Variants in HS3ST4 observed in about 807,000 individuals in gnomAD.
HS3ST4 encodes the protein heparan sulfate-glucosamine 3-sulfotransferase 4, also known as heparan sulfate glucosamine 3-O-sulfotransferase 4.
Under a neutral mutation model 29.2 loss-of-function variants are expected in HS3ST4, and 17 were observed. That is an observed-to-expected ratio of 0.58 (90% CI 0.40 to 0.87). HS3ST4 has a LOEUF of 0.87. Ranked by LOEUF, HS3ST4 falls within the 40% of genes least tolerant of loss-of-function variation. The pLI is 0.00. For synonymous variants in HS3ST4, 314 were observed against 285.7 expected (o/e 1.10, Z -1.00); for missense variants, 627 against 634.5 (o/e 0.99, Z 0.13).
intron 1 of HS3ST4, among the ~76,000 whole-genome samples, chr16:25,742,654 A>G (rs1966662442): frequency 6.6e-6 from 1 of 152,208 alleles, no homozygotes; most frequent in African/African-American, 2.4e-5. Context: ...CAGCCTTTTG[A>G]AAGTGCCATG....
chr16:26,084,814 T>C (rs567036922), intron 1 of HS3ST4, among the ~76,000 whole-genome samples: 2 of 152,238 alleles, frequency 1.3e-5, no homozygotes, highest in African/African-American at 4.8e-5. Context: ...CTTATTTTGT[T>C]GCCCAGGCTG....
At chr16:25,965,718 CTGAGT>C (rs1377992309) in intron 1 of HS3ST4, among the ~76,000 whole-genome samples, 2 of 152,314 alleles carry the variant, frequency 1.3e-5, no homozygotes, top group African/African-American at 2.4e-5. Context: ...CCTATCTGTA[CTGAGT>C]TAAGACATTT....
intron 1 of HS3ST4, among the ~76,000 whole-genome samples, chr16:25,744,923 C>T (rs1966676569): frequency 1.3e-5 from 2 of 152,140 alleles, no homozygotes; most frequent in Admixed American, 1.3e-4. Context: ...CCAATTAAAC[C>T]ACTTTCCTTT....
intron 1 of HS3ST4, among the ~76,000 whole-genome samples, chr16:25,869,327 C>T (rs942065717): frequency 3.3e-5 from 5 of 152,018 alleles, no homozygotes; most frequent in African/African-American, 1.2e-4. Context: ...CAGGTTGTGA[C>T]GACTTTCCCC....
chr16:25,938,604 A>G lies in HS3ST4; in HGVS notation c.735-197008A>G, dbSNP rs551949366. Among the ~76,000 whole-genome samples the G allele has an allele frequency of 5.3e-5, 8 of 151,658 alleles. No individual in the cohort carries two copies. The East Asian group carries it at 5.8e-4, about 11-fold the overall frequency. ...TTTATCTATGGTATTAAAAAAAAAA[A>G]GGAGAAGAAAAGCAAAAGGCCATTT... is the stretch of plus-strand genomic sequence containing the variant. On this transcript the variant is annotated intron_variant, in intron 1 of 1. Transcript: ENST00000331351.
chr16:26,025,310 C>T (rs1190187410), intron 1 of HS3ST4: 1 of 154,428 alleles, frequency 6.5e-6, no homozygotes, highest in East Asian at 1.9e-4. Flanking sequence ...TTGCACCAAT[C>T]TAATAGGTTG....
intron 1 of HS3ST4, among the ~76,000 whole-genome samples, chr16:25,759,821 G>A (rs577898149): frequency 6.6e-6 from 1 of 152,018 alleles, no homozygotes; most frequent in South Asian, 2.1e-4. Context: ...CCAGCTACTC[G>A]GGAGGCTGCA....
intron 1 of HS3ST4, among the ~76,000 whole-genome samples, chr16:25,700,396 G>A (rs1000743090): frequency 5.9e-5 from 9 of 152,172 alleles, no homozygotes; most frequent in Admixed American, 3.9e-4. Flanking sequence ...CTGCAGAACC[G>A]AAGGCATTTG....
intron 1 of HS3ST4, among the ~76,000 whole-genome samples, chr16:25,710,917 A>G (rs2141584809): frequency 6.7e-6 from 1 of 149,348 alleles, no homozygotes. Context: ...CCTGGGCTCA[A>G]GTGATCCTCC....
rs77289664 is a variant in HS3ST4 at position 25,712,547 on chromosome 16, A to G, written c.734+19396A>G. The stretch of plus-strand genomic sequence containing the variant: ...ATAAAAAAATAAAAAGAATGAAACA[A>G]AAGAAGCACCATAAGACAAGAACGT... On this transcript the variant is annotated intron_variant, in intron 1 of 1. Coordinates refer to ENST00000331351, the MANE Select transcript of HS3ST4 (RefSeq NM_006040.3). 4.9e-3 allele frequency among the ~76,000 whole-genome samples: 750 copies of G among 152,240 alleles called. 9 individuals are homozygous for G. Among genetic ancestry groups the G allele is most frequent in the African/African-American group, 0.016 (663 of 41,554 alleles).
At chr16:25,737,954 G>A (rs576892969) in intron 1 of HS3ST4, among the ~76,000 whole-genome samples, 118 of 146,368 alleles carry the variant, frequency 8.1e-4, no homozygotes, top group Non-Finnish European at 1.5e-3. Flanking sequence ...GCCCAGGCTG[G>A]TGTGCAGTGG....
At chr16:25,859,931 G>A (rs1231588743) in intron 1 of HS3ST4, among the ~76,000 whole-genome samples, 4 of 152,184 alleles carry the variant, frequency 2.6e-5, no homozygotes, top group South Asian at 2.1e-4. Flanking sequence ...AGATAAGGGA[G>A]ATTTACCACC....
chr16:25,962,457 G>C (rs962899769), intron 1 of HS3ST4, among the ~76,000 whole-genome samples: 5 of 152,092 alleles, frequency 3.3e-5, no homozygotes, highest in Non-Finnish European at 7.4e-5. Context: ...TTTAAAGTTG[G>C]CATAATGACT....
chr16:25,739,568 CA>C (rs1334396206), intron 1 of HS3ST4, among the ~76,000 whole-genome samples: 1 of 152,192 alleles, frequency 6.6e-6, no homozygotes, highest in Non-Finnish European at 1.5e-5. Flanking sequence ...TGGCTGTCAT[CA>C]TGACTATATG....
At chr16:26,010,191 T>A (rs553817311) in intron 1 of HS3ST4, among the ~76,000 whole-genome samples, 17 of 152,296 alleles carry the variant, frequency 1.1e-4, no homozygotes, top group African/African-American at 3.6e-4. Flanking sequence ...CGGTGACTCA[T>A]GCCTGTAATC....
intron 1 of HS3ST4, among the ~76,000 whole-genome samples, chr16:25,888,891 T>A (rs1967980600): frequency 6.6e-6 from 1 of 152,152 alleles, no homozygotes. Flanking sequence ...AATTAGCACA[T>A]CCATTAAATC....
At chr16:25,864,030 C>CGCCTCTTT (rs1322443357) in intron 1 of HS3ST4, among the ~76,000 whole-genome samples, 3 of 152,180 alleles carry the variant, frequency 2.0e-5, no homozygotes, top group East Asian at 3.9e-4. Context: ...TTCGCCTCTT[C>CGCCTCTTT]GCGTGGGCAT....
At chr16:25,954,045 A>C (rs1224528768) in intron 1 of HS3ST4, among the ~76,000 whole-genome samples, 2 of 152,178 alleles carry the variant, frequency 1.3e-5, no homozygotes, top group Non-Finnish European at 1.5e-5. Context: ...CTGAATGTTT[A>C]GAAATGGTGA....
At chr16:26,008,987 A>G (rs1969284389) in intron 1 of HS3ST4, among the ~76,000 whole-genome samples, 1 of 152,188 alleles carries the variant, frequency 6.6e-6, no homozygotes, top group Admixed American at 6.5e-5. Flanking sequence ...GGTCAGAGAA[A>G]CTAGGGAAGT....
Sources: gnomAD v4.1 joint callset for allele counts (sites outside exome capture counted in the v4.1 genomes callset) on GRCh38, gnomAD v4.1.1 for gene constraint, MANE v1.5 for transcripts, NCBI Gene and HGNC (gene_info 2026-07-23, HGNC 2026-07-21) for gene names.